The following MAGI2 variants were observed in gnomAD, a reference collection of about 807,000 sequenced individuals.
MAGI2 encodes the protein membrane associated guanylate kinase, WW and PDZ domain containing 2.
MAGI2 carries 35 observed loss-of-function variants against 133.3 expected under a neutral mutation model. The ratio of observed to expected loss-of-function variants is 0.26; its 90% CI spans 0.20 to 0.35. The LOEUF (loss-of-function observed/expected upper bound fraction) is 0.35, where lower values mean the gene tolerates loss of function less well. Among genes scored for constraint, MAGI2 ranks in the 10% least tolerant of loss-of-function variants. The pLI, the probability that MAGI2 is intolerant of heterozygous loss-of-function variation, is 1.00. For synonymous variants in MAGI2, 729 were observed against 710.6 expected, an observed-to-expected ratio of 1.03 and a Z score of -0.41; for missense variants, 1,636 against 1,863.4, an observed-to-expected ratio of 0.88 and a Z score of 2.25.
rs200810483 is a variant in MAGI2, at chr7:79,230,676, T to A, written c.301+222344A>T. Among the ~76,000 whole-genome samples the A allele has an allele frequency of 3.1e-3, 467 of 151,910 alleles. 17 individuals are homozygous for A. The East Asian group carries it at 0.083, about 27-fold the overall frequency. ...CTTGTAAATTTGTTTGAGTTCATTG[T>A]AGATTCTGGATATTAGCCCTTTGTC... On this transcript the variant is annotated intron_variant, in intron 1 of 21. Transcript: ENST00000354212.
intron 1 of MAGI2, among the ~76,000 whole-genome samples, chr7:79,271,589 T>C (rs1447848868): frequency 6.6e-6 from 1 of 151,886 alleles, no homozygotes; most frequent in Admixed American, 6.6e-5. Context: ...TTTTTAAATG[T>C]GGGTGATTTA....
chr7:78,407,716 AG>A (rs767882922), intron 6 of MAGI2, among the ~76,000 whole-genome samples: 41 of 152,008 alleles, frequency 2.7e-4, no homozygotes, highest in African/African-American at 9.4e-4. Flanking sequence ...ACATCTTTGA[AG>A]AGGGATTTGC....
chr7:78,991,154 G>C (rs536761022), intron 2 of MAGI2, among the ~76,000 whole-genome samples: 10 of 151,996 alleles, frequency 6.6e-5, no homozygotes, highest in Non-Finnish European at 1.3e-4. Flanking sequence ...CTGCCACCTT[G>C]TAAAGAAGGT....
intron 16 of MAGI2, among the ~76,000 whole-genome samples, chr7:78,142,823 G>A (rs1209383032): frequency 2.0e-5 from 3 of 152,026 alleles, no homozygotes; most frequent in African/African-American, 4.8e-5. Flanking sequence ...TGGACAGAGA[G>A]AATGAAAAAA....
intron 1 of MAGI2, among the ~76,000 whole-genome samples, chr7:79,097,134 GT>G (rs1179390865): frequency 1.3e-5 from 2 of 152,098 alleles, no homozygotes; most frequent in African/African-American, 2.4e-5. Context: ...GCCAGTTACT[GT>G]TTTCTATGAA....
At chr7:78,532,061 G>A (rs7792311) in intron 3 of MAGI2, among the ~76,000 whole-genome samples, 10,948 of 152,142 alleles carry the variant, frequency 0.072, 494 homozygotes, top group Non-Finnish European at 0.11. Flanking sequence ...GAGGATCTAG[G>A]TTCTAAACAG....
intron 6 of MAGI2, among the ~76,000 whole-genome samples, chr7:78,440,990 C>T (rs138952123): frequency 2.3e-4 from 35 of 152,090 alleles, no homozygotes; most frequent in Admixed American, 4.6e-4. Context: ...GAAGTCCAAG[C>T]GGAAATGTCC....
intron 2 of MAGI2, among the ~76,000 whole-genome samples, chr7:78,760,873 T>G (rs568920527): frequency 1.3e-5 from 2 of 152,112 alleles, no homozygotes; most frequent in Non-Finnish European, 2.9e-5. Context: ...AAAGATTATA[T>G]TGGAAAAACG....
chr7:78,957,924 C>T (rs964044850), intron 2 of MAGI2, among the ~76,000 whole-genome samples: 3 of 152,194 alleles, frequency 2.0e-5, no homozygotes, highest in African/African-American at 4.8e-5. Flanking sequence ...ATCTTACCCA[C>T]ACTACATGCA....
At chr7:79,404,757 C>T (rs970594976) in intron 1 of MAGI2, among the ~76,000 whole-genome samples, 1 of 152,068 alleles carries the variant, frequency 6.6e-6, no homozygotes, top group Non-Finnish European at 1.5e-5. Flanking sequence ...AAGCTCATAT[C>T]CCTCTATATA....
rs529574803 is a variant in MAGI2, at chr7:78,305,649, A to C, written c.1408+38129T>G. ...GTGTAACCATGAGCTCCAACCTCCT[A>C]TGCAAGGGGGACTCAGGAATCCTCT... is the stretch of plus-strand genomic sequence containing the variant. On this transcript the variant is annotated intron_variant, in intron 9 of 21. Transcript: ENST00000354212. 8.5e-5 allele frequency among the ~76,000 whole-genome samples: 13 copies of C among 152,182 alleles called. No homozygotes were observed. The South Asian group carries it at 2.7e-3, about 32-fold the overall frequency.
intron 6 of MAGI2, among the ~76,000 whole-genome samples, chr7:78,451,390 G>A (rs1001638509): frequency 1.3e-5 from 2 of 152,070 alleles, no homozygotes; most frequent in East Asian, 3.9e-4. Flanking sequence ...TAACATTTGA[G>A]TGCATTAGAA....
chr7:78,199,257 A>G (rs2150752697), intron 11 of MAGI2, among the ~76,000 whole-genome samples: 1 of 152,386 alleles, frequency 6.6e-6, no homozygotes, highest in Non-Finnish European at 1.5e-5. Context: ...GTATAAACCT[A>G]CATACTGTGG....
intron 17 of MAGI2, 133 bp downstream of exon 17, chr7:78,134,884 TAATC>T (rs1584079338): frequency 1.4e-6 from 1 of 693,486 alleles, no homozygotes; most frequent in Non-Finnish European, 2.4e-6. Flanking sequence ...GTGGAAATAA[TAATC>T]AACCTCTGAC....
rs142768690 is a variant in MAGI2 at position 78,147,307 on chromosome 7, C to T, written c.2846-12101G>A. Among the ~76,000 whole-genome samples, 1,176 of 152,252 alleles carry T rather than the reference C, an allele frequency of 7.7e-3. 15 individuals are homozygous for T. Among genetic ancestry groups the T allele is most frequent in the African/African-American group, 0.027 (1,106 of 41,548 alleles). On this transcript the variant is annotated intron_variant, in intron 16 of 21. Coordinates refer to ENST00000354212, the MANE Select transcript of MAGI2 (RefSeq NM_012301.4). ...AATGGTCAAATAAATTATGTCAGTTCCCGGACTTGAAAAGTGAGACCATCA... is the reference window on the plus strand; with the variant it reads ...AATGGTCAAATAAATTATGTCAGTTTCCGGACTTGAAAAGTGAGACCATCA...
At chr7:78,818,911 A>G (rs558518028) in intron 2 of MAGI2, among the ~76,000 whole-genome samples, 160 of 152,270 alleles carry the variant, frequency 1.1e-3, no homozygotes, top group African/African-American at 3.8e-3. Context: ...TCAGAACACT[A>G]CAAAACTTAA....
chr7:79,106,177 T>G (rs184056896), intron 1 of MAGI2, among the ~76,000 whole-genome samples: 1 of 152,176 alleles, frequency 6.6e-6, no homozygotes, highest in Admixed American at 6.5e-5. Flanking sequence ...AAATGTATTA[T>G]GCCAAGTGAA....
At chr7:78,053,249 T>C (rs1037998984) in intron 21 of MAGI2, among the ~76,000 whole-genome samples, 1 of 152,260 alleles carries the variant, frequency 6.6e-6, no homozygotes, top group Non-Finnish European at 1.5e-5. Context: ...ATTGAGATTT[T>C]AAATACATCC....
rs575518764 is a variant in MAGI2 at position 79,418,468 on chromosome 7, A to T, written c.301+34552T>A. ...TCTCAAGATTAGGAAAACTGGATAA[A>T]TCCAAGTGATCAACAGCGCCACAAT... On this transcript the variant is annotated intron_variant, in intron 1 of 21. Transcript: ENST00000354212. Among the ~76,000 whole-genome samples the T allele has an allele frequency of 2.6e-5, 4 of 152,210 alleles. No homozygotes were observed. The South Asian group carries it at 8.3e-4, about 32-fold the overall frequency.
Sources: allele counts gnomAD v4.1 joint callset (sites outside exome capture counted in the v4.1 genomes callset), GRCh38; gene constraint gnomAD v4.1.1; transcripts MANE v1.5; gene names NCBI Gene and HGNC (gene_info 2026-07-23, HGNC 2026-07-21).